NAV3: variants seen among roughly 807,000 people sequenced by gnomAD.
NAV3 encodes neuron navigator 3.
NAV3 carries 87 observed loss-of-function variants against 244.7 expected under a neutral mutation model. That is an observed-to-expected ratio of 0.36 (90% confidence interval 0.30 to 0.42). The LOEUF is 0.42. NAV3 is among the 20% of genes least tolerant of loss of function. NAV3 has a pLI of 1.00. For missense variants in NAV3, 2,663 were observed against 2,893.3 expected (o/e 0.92, Z 1.83); for synonymous variants, 1,126 against 1,042.2 (o/e 1.08, Z -1.55).
chr12:77,633,159 T>C (rs1429590504), intron 2 of NAV3, among the ~76,000 whole-genome samples: 1 of 152,118 alleles, frequency 6.6e-6, no homozygotes, highest in African/African-American at 2.4e-5. Context: ...ATTCTCACAA[T>C]ATTCCTAAAA....
chr12:77,615,762 G>T (rs1871122799), intron 2 of NAV3, among the ~76,000 whole-genome samples: 1 of 152,086 alleles, frequency 6.6e-6, no homozygotes, highest in Admixed American at 6.5e-5. Flanking sequence ...GTGGACTCTT[G>T]TTTGTGCTGT....
intron 20 of NAV3, among the ~76,000 whole-genome samples, chr12:78,144,564 A>G (rs975456596): frequency 1.3e-5 from 2 of 152,182 alleles, no homozygotes; most frequent in Non-Finnish European, 2.9e-5. Context: ...AGCAAATAAT[A>G]GTTTTGAAAA....
intron 11 of NAV3, among the ~76,000 whole-genome samples, chr12:78,058,557 A>T (rs406553): frequency 0.061 from 9,220 of 152,246 alleles, 366 homozygotes; most frequent in Non-Finnish European, 0.086. Context: ...AAATATAAAA[A>T]CATAGAATTC....
chr12:78,115,852 A>G (rs932481403), intron 12 of NAV3, among the ~76,000 whole-genome samples: 13 of 152,204 alleles, frequency 8.5e-5, no homozygotes, highest in Non-Finnish European at 1.8e-4. Context: ...AGTACACTCT[A>G]TGATGTTCTC....
At chr12:78,192,177 AC>A (rs1959012147) in intron 34 of NAV3, among the ~76,000 whole-genome samples, 1 of 151,998 alleles carries the variant, frequency 6.6e-6, no homozygotes, top group Non-Finnish European at 1.5e-5. Flanking sequence ...TCTGTTAAGA[AC>A]ATGTTAGTGT....
chr12:77,955,453 C>T (rs986041279), intron 3 of NAV3, among the ~76,000 whole-genome samples: 1 of 152,164 alleles, frequency 6.6e-6, no homozygotes, highest in Non-Finnish European at 1.5e-5. Context: ...GTGATCAACA[C>T]TTTTATAATA....
chr12:78,071,349 T>C lies in NAV3; in HGVS notation c.2636+12234T>C, dbSNP rs575325545. ...TGTGTTTTTTGGCTGCATAAATGTC[T>C]TCTTTTGAGAAGTGTCTGTTCATGT... On this transcript the variant is annotated intron_variant, in intron 12 of 39. Coordinates refer to ENST00000397909, the MANE Select transcript of NAV3 (RefSeq NM_001024383.2). Among the ~76,000 whole-genome samples the C allele has an allele frequency of 5.4e-4, 82 of 152,284 alleles. No homozygotes were observed. In the Middle Eastern group the frequency reaches 0.01, roughly 19 times the overall value.
At chr12:78,034,961 C>T (rs1225743864) in intron 9 of NAV3, among the ~76,000 whole-genome samples, 1 of 152,086 alleles carries the variant, frequency 6.6e-6, no homozygotes, top group East Asian at 1.9e-4. Flanking sequence ...GAATGAGTAT[C>T]AATAATTCAC....
At chr12:77,750,809 C>A (rs564528344) in intron 2 of NAV3, among the ~76,000 whole-genome samples, 1 of 152,114 alleles carries the variant, frequency 6.6e-6, no homozygotes, top group Non-Finnish European at 1.5e-5. Flanking sequence ...CCAAATCTGG[C>A]AAAAAATAAT....
chr12:77,706,839 C>T (rs1397816032), intron 2 of NAV3, among the ~76,000 whole-genome samples: 5 of 132,020 alleles, frequency 3.8e-5, no homozygotes, highest in Non-Finnish European at 7.8e-5. Context: ...CCACTGCACT[C>T]CAGCCTGGGC....
chr12:77,782,437 C>T (rs1870712571), intron 2 of NAV3, among the ~76,000 whole-genome samples: 1 of 151,978 alleles, frequency 6.6e-6, no homozygotes, highest in Non-Finnish European at 1.5e-5. Context: ...ACCATGATCA[C>T]ATTAGTTAGA....
intron 12 of NAV3, among the ~76,000 whole-genome samples, chr12:78,115,287 G>A (rs1461587982): frequency 3.3e-5 from 5 of 152,092 alleles, no homozygotes; most frequent in Admixed American, 2.0e-4. Context: ...GAGAGCACAG[G>A]TATGGGTATC....
chr12:78,129,809 G>A (rs1442371859), intron 18 of NAV3, among the ~76,000 whole-genome samples: 2 of 151,980 alleles, frequency 1.3e-5, no homozygotes, highest in Admixed American at 6.6e-5. Context: ...AATTTAGGAC[G>A]GAGGACAATG....
intron 2 of NAV3, among the ~76,000 whole-genome samples, chr12:77,720,701 C>T (rs1353645801): frequency 2.6e-5 from 4 of 152,124 alleles, no homozygotes; most frequent in African/African-American, 4.8e-5. Context: ...CATGTGGAGC[C>T]AGTAAGCAAC....
intron 12 of NAV3, 99 bp from the exon 13 acceptor site, chr12:78,116,673 A>C: frequency 8.0e-7 from 1 of 1,244,714 alleles, no homozygotes; most frequent in Non-Finnish European, 1.1e-6. Flanking sequence ...TTTTAAAAGA[A>C]TGTCTTAATA....
chr12:77,849,605 A>T (rs761407184), intron 1 of NAV3, among the ~76,000 whole-genome samples: 24 of 152,178 alleles, frequency 1.6e-4, no homozygotes, highest in Non-Finnish European at 3.4e-4. Flanking sequence ...TATGAAACAT[A>T]AATTTCTTGT....
intron 1 of NAV3, among the ~76,000 whole-genome samples, chr12:77,842,736 A>G (rs1003884901): frequency 3.9e-5 from 6 of 152,034 alleles, no homozygotes; most frequent in Non-Finnish European, 8.8e-5. Context: ...AGAAGCTCAT[A>G]TTACAATCCT....
At chr12:77,873,714 A>T (rs1288259913) in intron 1 of NAV3, among the ~76,000 whole-genome samples, 61 of 78,378 alleles carry the variant, frequency 7.8e-4, no homozygotes, top group Admixed American at 1.7e-3. Flanking sequence ...TATATACATG[A>T]TTTGCTTATC....
intron 19 of NAV3, among the ~76,000 whole-genome samples, chr12:78,139,762 A>G (rs577171343): frequency 1.6e-4 from 25 of 152,202 alleles, no homozygotes; most frequent in South Asian, 6.2e-4. Context: ...AAATTAGTAA[A>G]GGAACAGTAA....
Sources: allele counts gnomAD v4.1 joint callset (sites outside exome capture counted in the v4.1 genomes callset), GRCh38; gene constraint gnomAD v4.1.1; transcripts MANE v1.5; gene names NCBI Gene and HGNC (gene_info 2026-07-23, HGNC 2026-07-21).